The following STARD9 variants were observed in gnomAD, a reference collection of about 807,000 sequenced individuals.
The protein encoded by STARD9 is stAR-related lipid transfer protein 9.
A neutral mutation model predicts 399.8 loss-of-function variants in STARD9; 346 were observed. The ratio of observed to expected loss-of-function variants is 0.87; its 90% CI spans 0.79 to 0.95. STARD9 has a LOEUF of 0.95. Ranked by LOEUF, STARD9 falls within the 40% of genes least tolerant of loss-of-function variation. The pLI is 0.00. For synonymous variants in STARD9, 2,203 were observed against 2,143.5 expected (o/e 1.03, Z -0.77); for missense variants, 5,832 against 5,667.5 (o/e 1.03, Z -0.93).
intron 22 of STARD9, among the ~76,000 whole-genome samples, chr15:42,682,812 C>G (rs1439714635): frequency 3.3e-5 from 5 of 152,152 alleles, no homozygotes; most frequent in African/African-American, 1.2e-4. Flanking sequence ...ATTCTTGCTT[C>G]TTTGGTAACA....
intron 11 of STARD9, 31 bp downstream of exon 11, chr15:42,662,922 G>T (rs1173363954): frequency 7.1e-7 from 1 of 1,413,986 alleles, no homozygotes; most frequent in South Asian, 1.2e-5. Flanking sequence ...GGAGTGGGAG[G>T]GAGAGTTCGG....
chr15:42,689,555 A>T lies in STARD9; in HGVS notation c.7977A>T (p.Pro2659=). ...CCAATACGGAAACTGACAGAGAGCC[A>T]TGGGATCCTGTGCAGGCTTTCTCCC... ...SLPNTETDRE[P]WDPVQAFSHA... is the part of the protein sequence containing the mutation. Residue 2659 remains proline, a synonymous_variant, in exon 23 of 33, where the codon CCA becomes CCT. Coordinates refer to ENST00000290607, the MANE Select transcript of STARD9 (RefSeq NM_020759.3). 1 of 1,537,342 alleles carries T rather than the reference A, an allele frequency of 6.5e-7. No individual in the cohort carries two copies. The highest frequency in any genetic ancestry group is 8.7e-7 in the Non-Finnish European group (1 of 1,146,940).
chr15:42,630,000 C>CTTTTT (rs1158967224), intron 3 of STARD9: 39 of 124,328 alleles, frequency 3.1e-4, no homozygotes, highest in Non-Finnish European at 4.3e-4. Context: ...TCTTTTTTTT[C>CTTTTT]TTTTTTTTTT....
chr15:42,600,883 A>G (rs903816714), intron 3 of STARD9, among the ~76,000 whole-genome samples: 1 of 99,788 alleles, frequency 1.0e-5, no homozygotes, highest in South Asian at 3.1e-4. Flanking sequence ...TTTTTTTAGT[A>G]TTTATTGATC....
At chr15:42,654,668 A>C (rs2059827797) in intron 9 of STARD9, among the ~76,000 whole-genome samples, 2 of 152,216 alleles carry the variant, frequency 1.3e-5, no homozygotes, top group Admixed American at 1.3e-4. Flanking sequence ...TCAAGAACTC[A>C]ACATTTTTTA....
At chr15:42,717,158 G>A (rs2061365830) in intron 28 of STARD9, 110 bp downstream of exon 28, 1 of 1,222,300 alleles carries the variant, frequency 8.2e-7, no homozygotes, top group African/African-American at 1.5e-5. Context: ...CCCAAGGCTT[G>A]TGGGCATCTT....
At chr15:42,632,063 A>G (rs1451486132) in intron 3 of STARD9, among the ~76,000 whole-genome samples, 1 of 152,156 alleles carries the variant, frequency 6.6e-6, no homozygotes, top group African/African-American at 2.4e-5. Context: ...CTATTACGGT[A>G]TTGAGGTCTC....
intron 26 of STARD9, among the ~76,000 whole-genome samples, chr15:42,708,396 G>A (rs2061136209): frequency 2.6e-5 from 4 of 152,142 alleles, no homozygotes; most frequent in Admixed American, 2.6e-4. Flanking sequence ...TGTCTTCTAT[G>A]GTTGTGTTCC....
At chr15:42,681,993 C>T in intron 21 of STARD9, 111 bp from the exon 22 acceptor site, 1 of 735,528 alleles carries the variant, frequency 1.4e-6, no homozygotes. Flanking sequence ...TCACCTTGGC[C>T]AGCTCTTTCA....
rs762509813 is a variant in STARD9, at chr15:42,625,655, T to TTTTTA, written c.235-9197_235-9196insATTTT. ...GCTATTTTCTTCTTCCTATTTTTTT[T>TTTTTA]TTTTTTTAGGTAGATTAAGAAAAAC... On this transcript the variant is annotated intron_variant, in intron 3 of 32. Coordinates refer to ENST00000290607, the MANE Select transcript of STARD9 (RefSeq NM_020759.3). 7.1e-4 allele frequency among the ~76,000 whole-genome samples: 107 copies of TTTTTA among 150,860 alleles called. 1 individual carries two copies. Among genetic ancestry groups the TTTTTA allele is most frequent in the Non-Finnish European group, 1.3e-3 (90 of 67,696 alleles).
intron 3 of STARD9, among the ~76,000 whole-genome samples, chr15:42,598,616 T>C (rs2058563423): frequency 6.6e-6 from 1 of 152,166 alleles, no homozygotes; most frequent in African/African-American, 2.4e-5. Flanking sequence ...TATACATATT[T>C]TGGGGGTACA....
chr15:42,703,096 A>G (rs1251863133), intron 26 of STARD9, among the ~76,000 whole-genome samples: 1 of 151,836 alleles, frequency 6.6e-6, no homozygotes, highest in African/African-American at 2.4e-5. Flanking sequence ...CACCTAGCCT[A>G]TTTGCTTCTC....
At chr15:42,592,965 T>C (rs2058430898) in intron 3 of STARD9, among the ~76,000 whole-genome samples, 1 of 152,226 alleles carries the variant, frequency 6.6e-6, no homozygotes, top group Non-Finnish European at 1.5e-5. Flanking sequence ...TTATCCTCTT[T>C]GCTTTCTAGT....
At position 42,690,333 on chromosome 15, in the gene STARD9, A is replaced by G; in HGVS notation, c.8755A>G (p.Arg2919Gly). 2 of 1,537,278 alleles carry G rather than the reference A, an allele frequency of 1.3e-6. No individual in the cohort carries two copies. Among genetic ancestry groups the G allele is most frequent in the Non-Finnish European group, 1.7e-6 (2 of 1,146,908 alleles). Residue 2919 changes from arginine to glycine, a missense_variant, in exon 23 of 33, where the codon AGA becomes GGA. Physicochemically the swap from Arg to Gly is moderately radical, Grantham distance 125 (BLOSUM62 -2). Around this residue, in one of 2 missense-constraint regions of STARD9, gnomAD observed 5,828 missense variants for 5,651.1 expected, o/e 1.03. Transcript: ENST00000290607. The part of the protein sequence containing the change: ...PGGIGEEAPC[R>G]HPREALDGPV... Reference sequence around the variant, plus strand: ...GGGAATTGGGGAGGAAGCCCCATGTAGACACCCAAGGGAAGCTTTAGATGG... The same window carrying G: ...GGGAATTGGGGAGGAAGCCCCATGTGGACACCCAAGGGAAGCTTTAGATGG...
intron 26 of STARD9, among the ~76,000 whole-genome samples, chr15:42,711,972 C>T (rs12912064): frequency 0.34 from 46,082 of 135,060 alleles, 10,888 homozygotes; most frequent in African/African-American, 0.67. Context: ...CTATGACCTA[C>T]TTTTGATTAT....
At chr15:42,655,574 A>G (rs115788605) in intron 9 of STARD9, among the ~76,000 whole-genome samples, 4,200 of 152,320 alleles carry the variant, frequency 0.028, 180 homozygotes, top group African/African-American at 0.089. Flanking sequence ...CCCACATTAT[A>G]CAAAAATCAA....
chr15:42,597,249 C>T (rs139864533), intron 3 of STARD9, among the ~76,000 whole-genome samples: 61 of 152,174 alleles, frequency 4.0e-4, no homozygotes, highest in Non-Finnish European at 5.0e-4. Context: ...GTGTGTACTA[C>T]TACTCTTGGA....
rs772513201 is a variant in STARD9, at chr15:42,686,068, G to A, written c.4490G>A (p.Cys1497Tyr). The A allele has an allele frequency of 6.5e-7, 1 of 1,537,214 alleles. No individual in the cohort carries two copies. Among genetic ancestry groups the A allele is most frequent in the South Asian group, 1.2e-5 (1 of 84,060 alleles). Residue 1497 changes from cysteine (C) to tyrosine (Y), a missense_variant, in exon 23 of 33, where the codon TGT (cysteine) becomes TAT (tyrosine). Coordinates refer to ENST00000290607, the MANE Select transcript of STARD9 (RefSeq NM_020759.3). ...CAGAAGTACCTCCTTGAACTCTCTT[G>A]TCCTGTTTTGGAGGCCATAGGAGCA... ...LQQKYLLELS[C>Y]PVLEAIGAPK...
chr15:42,658,179 C>G (rs886228275), intron 9 of STARD9, among the ~76,000 whole-genome samples: 25 of 152,234 alleles, frequency 1.6e-4, no homozygotes, highest in African/African-American at 5.5e-4. Context: ...GGGTCACACT[C>G]TGTCACCCAG....
Sources: allele counts gnomAD v4.1 joint callset (sites outside exome capture counted in the v4.1 genomes callset), GRCh38; gene constraint gnomAD v4.1.1; regional missense constraint gnomAD v4.1.1; transcripts MANE v1.5; gene names NCBI Gene and HGNC (gene_info 2026-07-23, HGNC 2026-07-21).